The following SKIC3 variants were observed in gnomAD, a reference collection of about 807,000 sequenced individuals.
SKIC3 encodes superkiller complex protein 3.
At chr5:95,472,911 T>C in the SKIC3 span, among the ~76,000 whole-genome samples, 1 of 152,226 alleles carries the variant, frequency 6.6e-6, no homozygotes, top group African/African-American at 2.4e-5. Flanking sequence ...TTCAGTTCCA[T>C]CCATGTTGCT....
the SKIC3 span, chr5:95,522,257 G>C: frequency 6.2e-7 from 1 of 1,613,586 alleles, no homozygotes; most frequent in Non-Finnish European, 8.5e-7. Flanking sequence ...TTCTCCTAAC[G>C]ATTCCCAACA....
the SKIC3 span, chr5:95,502,788 C>G: frequency 6.4e-7 from 1 of 1,566,326 alleles, no homozygotes; most frequent in East Asian, 2.2e-5. Context: ...CCCAAAAGTT[C>G]CTAAAACATG....
chr5:95,505,879 T>C, the SKIC3 span, among the ~76,000 whole-genome samples: 1 of 152,108 alleles, frequency 6.6e-6, no homozygotes, highest in Non-Finnish European at 1.5e-5. Flanking sequence ...ATAATTTGAT[T>C]GGTGACTTTT....
the SKIC3 span, among the ~76,000 whole-genome samples, chr5:95,474,786 G>A: frequency 6.6e-6 from 1 of 152,190 alleles, no homozygotes; most frequent in Non-Finnish European, 1.5e-5. Flanking sequence ...ATATTTCTCA[G>A]AGGTTTTGTT....
the SKIC3 span, chr5:95,502,732 T>A: frequency 1.1e-6 from 1 of 898,444 alleles, no homozygotes. Flanking sequence ...TAGCTCCACC[T>A]GTGACTATCA....
the SKIC3 span, chr5:95,517,092 T>C: frequency 6.2e-7 from 1 of 1,613,548 alleles, no homozygotes; most frequent in Admixed American, 1.7e-5. Flanking sequence ...TGTTTTTTGT[T>C]ACAATGCCTT....
the SKIC3 span, among the ~76,000 whole-genome samples, chr5:95,510,061 C>T: frequency 1.3e-5 from 2 of 151,960 alleles, no homozygotes; most frequent in African/African-American, 4.8e-5. Flanking sequence ...TTTCTCTTGG[C>T]GGTTCTGTTC....
the SKIC3 span, among the ~76,000 whole-genome samples, chr5:95,497,009 AGT>A: frequency 7.0e-4 from 107 of 152,320 alleles, no homozygotes; most frequent in Non-Finnish European, 1.1e-3. Flanking sequence ...GTATATTAGC[AGT>A]GTTCTAGTTC....
chr5:95,468,231 T>C, the SKIC3 span, among the ~76,000 whole-genome samples: 2 of 152,136 alleles, frequency 1.3e-5, no homozygotes, highest in African/African-American at 4.8e-5. Context: ...AAAATCTTAT[T>C]AGGTAGGTAG....
chr5:95,504,397 T>C, the SKIC3 span, among the ~76,000 whole-genome samples: 1 of 151,930 alleles, frequency 6.6e-6, no homozygotes, highest in Non-Finnish European at 1.5e-5. Context: ...TTTTTTATAG[T>C]GGTCTACTAA....
chr5:95,545,603 C>T, the SKIC3 span, among the ~76,000 whole-genome samples: 31 of 152,242 alleles, frequency 2.0e-4, 1 homozygote, highest in African/African-American at 7.5e-4. Flanking sequence ...ACTTCTTTTA[C>T]AGCTCACATG....
the SKIC3 span, chr5:95,509,813 A>G: frequency 1.4e-6 from 1 of 689,852 alleles, no homozygotes; most frequent in Non-Finnish European, 2.6e-6. Context: ...TGTTAAGAAT[A>G]GTGGCCTGAT....
chr5:95,494,656 A>G, the SKIC3 span: 1 of 1,602,576 alleles, frequency 6.2e-7, no homozygotes, highest in Non-Finnish European at 8.5e-7. Context: ...AAGAATTGGA[A>G]TTAATGAAAT....
the SKIC3 span, among the ~76,000 whole-genome samples, chr5:95,467,142 A>G: frequency 6.6e-6 from 1 of 152,160 alleles, no homozygotes; most frequent in Non-Finnish European, 1.5e-5. Flanking sequence ...CATTTAATGG[A>G]TGACTTTTAA....
chr5:95,524,132 T>C, the SKIC3 span, among the ~76,000 whole-genome samples: 10 of 152,308 alleles, frequency 6.6e-5, no homozygotes, highest in East Asian at 1.9e-3. Flanking sequence ...AATGTAGGAC[T>C]TATAGATGTT....
At chr5:95,525,484 GAGA>G in the SKIC3 span, 4 of 1,614,036 alleles carry the variant, frequency 2.5e-6, no homozygotes, top group Non-Finnish European at 3.4e-6. Flanking sequence ...GGTAAGAAGA[GAGA>G]AGGTCTTCCA....
At chr5:95,543,231 A>G in the SKIC3 span, 13 of 1,613,972 alleles carry the variant, frequency 8.1e-6, no homozygotes, top group Admixed American at 1.8e-4. Flanking sequence ...GCTTTTTTAT[A>G]GGCACTCTGG....
At chr5:95,465,992 T>C in the SKIC3 span, among the ~76,000 whole-genome samples, 1 of 152,216 alleles carries the variant, frequency 6.6e-6, no homozygotes, top group Non-Finnish European at 1.5e-5. Context: ...TTGGAATATG[T>C]TGATTACAAT....
chr5:95,475,361 T>A, the SKIC3 span, among the ~76,000 whole-genome samples: 1 of 152,068 alleles, frequency 6.6e-6, no homozygotes, highest in Admixed American at 6.5e-5. Context: ...TTAGCACCAT[T>A]CCCCCTTGGT....
Sources: allele counts gnomAD v4.1 joint callset (sites outside exome capture counted in the v4.1 genomes callset), GRCh38; gene constraint gnomAD v4.1.1; transcripts MANE v1.5; gene names NCBI Gene and HGNC (gene_info 2026-07-23, HGNC 2026-07-21).